Variants in CELF4 observed in about 807,000 individuals in gnomAD.
The protein encoded by CELF4 is CUGBP Elav-like family member 4.
CELF4 carries 18 observed loss-of-function variants against 59.9 expected under a neutral mutation model. That is an observed-to-expected ratio of 0.30 (90% CI 0.21 to 0.45). The LOEUF is 0.45. Ranked by LOEUF, CELF4 falls within the 20% of genes least tolerant of loss-of-function variation. The pLI, the probability that CELF4 is intolerant of heterozygous loss-of-function variation, is 1.00. For missense variants in CELF4, 456 were observed against 689.0 expected (o/e 0.66, Z 3.79); for synonymous variants, 261 against 267.1 (o/e 0.98, Z 0.22).
At chr18:37,343,780 G>A (rs943583469) in intron 2 of CELF4, among the ~76,000 whole-genome samples, 13 of 152,006 alleles carry the variant, frequency 8.6e-5, no homozygotes, top group Non-Finnish European at 1.6e-4. Context: ...CTAAGAATAC[G>A]TGTGCAGACA....
chr18:37,390,804 G>GAGTT (rs759387784), intron 2 of CELF4, among the ~76,000 whole-genome samples: 1 of 66,282 alleles, frequency 1.5e-5, no homozygotes, highest in South Asian at 7.3e-4. Flanking sequence ...TGATGGGGCG[G>GAGTT]GGAGGGGGGG....
At position 37,256,639 on chromosome 18, in the gene CELF4, G is replaced by A. The variant is rs2069681415; in HGVS notation, c.1333+2542C>T. On this transcript the variant is annotated intron_variant, in intron 11 of 12. Transcript: ENST00000420428. ...TATTGCTATGTCACCAGGCTAGAGT[G>A]CAGTGGTGTGATCTCGGCTAACAGC... 2.0e-5 allele frequency among the ~76,000 whole-genome samples: 3 copies of A among 152,168 alleles called. No individual in the cohort carries two copies. In the South Asian group the frequency reaches 6.2e-4, roughly 32 times the overall value.
At chr18:37,328,489 G>C (rs1011651016) in intron 2 of CELF4, among the ~76,000 whole-genome samples, 1 of 152,188 alleles carries the variant, frequency 6.6e-6, no homozygotes, top group Non-Finnish European at 1.5e-5. Context: ...CTGGCTCCCT[G>C]CTCAGCAGAA....
chr18:37,398,014 C>T (rs559270401), intron 2 of CELF4, among the ~76,000 whole-genome samples: 1 of 152,292 alleles, frequency 6.6e-6, no homozygotes, highest in South Asian at 2.1e-4. Flanking sequence ...TCTCCCCACT[C>T]AGGCCCGGGT....
chr18:37,475,732 C>T (rs771707017), intron 2 of CELF4, among the ~76,000 whole-genome samples: 9 of 152,204 alleles, frequency 5.9e-5, no homozygotes, highest in South Asian at 2.1e-4. Flanking sequence ...GCTAGAGGCT[C>T]TGAAGCACAG....
intron 2 of CELF4, among the ~76,000 whole-genome samples, chr18:37,413,938 AT>A (rs1478900821): frequency 6.6e-6 from 1 of 152,110 alleles, no homozygotes; most frequent in African/African-American, 2.4e-5. Context: ...GAGGGGCCAC[AT>A]TAAGGCCTCC....
At chr18:37,410,551 C>T (rs748819214) in intron 2 of CELF4, among the ~76,000 whole-genome samples, 20 of 152,260 alleles carry the variant, frequency 1.3e-4, no homozygotes, top group African/African-American at 3.6e-4. Context: ...TCCCTGCACA[C>T]GCTGTGCCAG....
intron 3 of CELF4, 31 bp from the exon 4 acceptor site, chr18:37,275,274 G>T (rs1338928600): frequency 1.9e-6 from 3 of 1,611,376 alleles, no homozygotes; most frequent in Non-Finnish European, 2.5e-6. Flanking sequence ...GCTTACCCGG[G>T]CCAGGGACCG....
chr18:37,307,079 C>T lies in CELF4; in HGVS notation c.448+14724G>A, dbSNP rs1041780103. ...ACAGAGGGGGCCACCAAGTCTTCCC[C>T]AGGAGCGGTGAGGGAAGGTAGGTGG... is the stretch of plus-strand genomic sequence containing the variant. On this transcript the variant is annotated intron_variant, in intron 3 of 12. Coordinates refer to ENST00000420428, the MANE Select transcript of CELF4 (RefSeq NM_020180.4). Among the ~76,000 whole-genome samples the T allele has an allele frequency of 2.6e-5, 4 of 151,990 alleles. No individual in the cohort carries two copies. In the East Asian group the frequency reaches 7.8e-4, roughly 30 times the overall value.
At chr18:37,286,245 A>T (rs910271507) in intron 3 of CELF4, among the ~76,000 whole-genome samples, 7 of 152,194 alleles carry the variant, frequency 4.6e-5, no homozygotes, top group Non-Finnish European at 1.5e-5. Flanking sequence ...CTAGGGAAGA[A>T]ATAAAAGACT....
intron 1 of CELF4, among the ~76,000 whole-genome samples, chr18:37,533,064 G>A (rs1238009451): frequency 5.3e-5 from 8 of 152,362 alleles, no homozygotes; most frequent in Middle Eastern, 3.4e-3. Flanking sequence ...TGGCGTGGGC[G>A]GCCACTTCCA....
intron 2 of CELF4, among the ~76,000 whole-genome samples, chr18:37,324,926 G>T (rs1333563376): frequency 6.6e-6 from 1 of 152,168 alleles, no homozygotes; most frequent in Non-Finnish European, 1.5e-5. Flanking sequence ...GATGAACCCA[G>T]GACTCCTGAC....
intron 2 of CELF4, among the ~76,000 whole-genome samples, chr18:37,363,687 T>C (rs185847081): frequency 6.6e-6 from 1 of 152,346 alleles, no homozygotes; most frequent in East Asian, 1.9e-4. Flanking sequence ...TCAAGGCATG[T>C]TATTTAGCAT....
intron 2 of CELF4, among the ~76,000 whole-genome samples, chr18:37,380,590 C>T (rs373993822): frequency 1.5e-4 from 23 of 152,220 alleles, no homozygotes; most frequent in South Asian, 1.0e-3. Context: ...ATCTATCCAT[C>T]CATCCATTCA....
intron 3 of CELF4, among the ~76,000 whole-genome samples, chr18:37,296,877 C>T (rs748039): frequency 0.48 from 73,300 of 151,948 alleles, 18,129 homozygotes; most frequent in South Asian, 0.62. Flanking sequence ...AACAGGAGGA[C>T]GCCCCTTCAC....
intron 2 of CELF4, among the ~76,000 whole-genome samples, chr18:37,384,023 T>C (rs2099071530): frequency 6.6e-6 from 1 of 152,202 alleles, no homozygotes; most frequent in Non-Finnish European, 1.5e-5. Context: ...GCTCCTCCAC[T>C]GCTCCCCACG....
intron 2 of CELF4, among the ~76,000 whole-genome samples, chr18:37,447,049 G>C (rs372687839): frequency 6.6e-6 from 1 of 152,126 alleles, no homozygotes; most frequent in South Asian, 2.1e-4. Flanking sequence ...GCAGAAATGA[G>C]GAGATGCAAT....
At chr18:37,319,369 G>A (rs867597718) in intron 3 of CELF4, among the ~76,000 whole-genome samples, 1 of 152,296 alleles carries the variant, frequency 6.6e-6, no homozygotes, top group Middle Eastern at 3.4e-3. Context: ...TTGACTACCG[G>A]GGTCCTTAGG....
At chr18:37,491,409 A>G (rs1450898973) in intron 1 of CELF4, among the ~76,000 whole-genome samples, 1 of 152,036 alleles carries the variant, frequency 6.6e-6, no homozygotes, top group Non-Finnish European at 1.5e-5. Context: ...CCCACTTACC[A>G]TTATTATTTA....
Sources: gnomAD v4.1 joint callset for allele counts (sites outside exome capture counted in the v4.1 genomes callset) on GRCh38, gnomAD v4.1.1 for gene constraint, MANE v1.5 for transcripts, NCBI Gene and HGNC (gene_info 2026-07-23, HGNC 2026-07-21) for gene names.